LIPC: variants seen among roughly 807,000 people sequenced by gnomAD.
LIPC encodes hepatic triacylglycerol lipase.
In LIPC, 44 loss-of-function variants were observed where a neutral mutation model predicts 50.7. The observed-to-expected ratio is 0.87, with a 90% CI of 0.68 to 1.11. The LOEUF is 1.11. Among genes scored for constraint, LIPC ranks in the 50% most tolerant of loss-of-function variants. LIPC has a pLI of 0.00. For synonymous variants in LIPC, 271 were observed against 256.4 expected, an observed-to-expected ratio of 1.06 and a Z score of -0.54; for missense variants, 697 against 648.2, an observed-to-expected ratio of 1.08 and a Z score of -0.82.
At chr15:58,495,956 T>A (rs1391362892) in intron 1 of LIPC, among the ~76,000 whole-genome samples, 2 of 152,184 alleles carry the variant, frequency 1.3e-5, no homozygotes, top group Non-Finnish European at 2.9e-5. Flanking sequence ...CTCGTGGGAT[T>A]TAGAAGGGAT....
chr15:58,484,790 G>C (rs1031429288), intron 1 of LIPC, among the ~76,000 whole-genome samples: 2 of 152,220 alleles, frequency 1.3e-5, no homozygotes, highest in Non-Finnish European at 2.9e-5. Flanking sequence ...CTTACAAATG[G>C]AGTATGCCAA....
chr15:58,548,405 C>G lies in LIPC; in HGVS notation c.884C>G (p.Thr295Arg). 6.2e-7 allele frequency: 1 copy of G among 1,614,156 alleles called. No individual in the cohort carries two copies. The highest frequency in any genetic ancestry group is 8.5e-7 in the Non-Finnish European group (1 of 1,180,040). Reference sequence around the variant, plus strand: ...ATCGACTCCTTGCTGCACGCCGGCACGCAGAGCATGGCCTACCCGTGTGGT... The same window carrying G: ...ATCGACTCCTTGCTGCACGCCGGCAGGCAGAGCATGGCCTACCCGTGTGGT... Reference protein sequence around the residue: ...LFIDSLLHAGTQSMAYPCGDM... With the variant: ...LFIDSLLHAGRQSMAYPCGDM... Residue 295 changes from threonine (T) to arginine (R), a missense_variant, in exon 6 of 9, where the codon ACG (threonine) becomes AGG (arginine). Coordinates refer to ENST00000299022, the MANE Select transcript of LIPC (RefSeq NM_000236.3).
chr15:58,545,719 C>A (rs780165647), intron 4 of LIPC, 23 bp from the exon 5 acceptor site: 2 of 1,606,476 alleles, frequency 1.2e-6, no homozygotes, highest in Non-Finnish European at 1.7e-6. Flanking sequence ...CCTGCGTAAC[C>A]CTTACCCCTG....
chr15:58,543,686 G>C (rs994654917), intron 4 of LIPC, among the ~76,000 whole-genome samples: 1 of 152,056 alleles, frequency 6.6e-6, no homozygotes. Context: ...GCCCAGGCTG[G>C]TGTGCAATGG....
chr15:58,562,812 C>A (rs866156204), intron 7 of LIPC, among the ~76,000 whole-genome samples: 5 of 151,588 alleles, frequency 3.3e-5, no homozygotes, highest in South Asian at 2.1e-4. Flanking sequence ...GGGACCCCCC[C>A]CCAACCCCAC....
chr15:58,457,171 G>A (rs1894155989), intron 1 of LIPC, among the ~76,000 whole-genome samples: 1 of 152,176 alleles, frequency 6.6e-6, no homozygotes, highest in Non-Finnish European at 1.5e-5. Flanking sequence ...GTGCAAAGGT[G>A]CGATCTTGGC....
chr15:58,545,746 G>A lies in LIPC; in HGVS notation c.579G>A (p.Leu193=). ...GTHKIGRITG[L]DAAGPLFEGS... ...TTACCCCTGCTTTCCCATTAGGGCT[G>A]GATGCCGCGGGACCTTTGTTTGAGG... The change falls in exon 5 of 9, where the codon CTG becomes CTA. Residue 193 remains leucine, a synonymous_variant. Transcript: ENST00000299022. 6.2e-7 allele frequency: 1 copy of A among 1,614,110 alleles called. No homozygotes were observed. Among genetic ancestry groups the A allele is most frequent in the Middle Eastern group, 1.7e-4 (1 of 6,050 alleles).
chr15:58,446,885 G>A (rs1412415892), intron 1 of LIPC, among the ~76,000 whole-genome samples: 2 of 152,118 alleles, frequency 1.3e-5, no homozygotes, highest in Non-Finnish European at 2.9e-5. Context: ...GGTGGCTTAT[G>A]CCTGTAACCA....
intron 1 of LIPC, among the ~76,000 whole-genome samples, chr15:58,500,324 C>T (rs1326724929): frequency 2.0e-5 from 3 of 152,156 alleles, no homozygotes; most frequent in East Asian, 3.8e-4. Context: ...GATGTAAGCG[C>T]CCAACAGATG....
chr15:58,445,180 T>TGA lies in LIPC; in HGVS notation c.88+13060_88+13061insGA, dbSNP rs1392918515. On this transcript the variant is annotated intron_variant, in intron 1 of 8. Coordinates refer to ENST00000299022, the MANE Select transcript of LIPC (RefSeq NM_000236.3). Reference sequence around the variant, plus strand: ...GAATGATTGGGACTTTCTGGCAGCATAAGCAATAACCGGCAGGAGACCAAG... The same window carrying TGA: ...GAATGATTGGGACTTTCTGGCAGCATGAAAGCAATAACCGGCAGGAGACCAAG... Among the ~76,000 whole-genome samples, 199 of 152,322 alleles carry TGA rather than the reference T, an allele frequency of 1.3e-3. 1 individual carries two copies. Among genetic ancestry groups the TGA allele is most frequent in the African/African-American group, 4.6e-3 (193 of 41,574 alleles).
At chr15:58,466,501 C>A (rs1199303812) in intron 1 of LIPC, among the ~76,000 whole-genome samples, 2 of 152,252 alleles carry the variant, frequency 1.3e-5, no homozygotes, top group Admixed American at 1.3e-4. Flanking sequence ...CACATGATCT[C>A]TATGGCTTCT....
rs121912502 is a variant in LIPC, at chr15:58,548,387, C to T, written c.866C>T (p.Ser289Phe). ...CGATCGGTGCACCTTTTCATCGACTCCTTGCTGCACGCCGGCACGCAGAGC... is the reference window on the plus strand; with the variant it reads ...CGATCGGTGCACCTTTTCATCGACTTCTTGCTGCACGCCGGCACGCAGAGC... ...HERSVHLFID[S>F]LLHAGTQSMA... Residue 289 changes from serine (S) to phenylalanine (F), a missense_variant, in exon 6 of 9, where the codon TCC (serine) becomes TTC (phenylalanine). Ser to Phe is a radical substitution (Grantham distance 155). Transcript: ENST00000299022. The T allele has an allele frequency of 1.1e-3, 1,854 of 1,614,162 alleles. 3 individuals are homozygous for T. Among genetic ancestry groups the T allele is most frequent in the Non-Finnish European group, 1.5e-3 (1,726 of 1,180,028 alleles).
At chr15:58,457,808 T>C (rs1217910760) in intron 1 of LIPC, among the ~76,000 whole-genome samples, 1 of 152,174 alleles carries the variant, frequency 6.6e-6, no homozygotes, top group African/African-American at 2.4e-5. Context: ...ATCTTGTACA[T>C]AAACACTTGT....
intron 1 of LIPC, among the ~76,000 whole-genome samples, chr15:58,506,673 C>T (rs1234546484): frequency 6.6e-6 from 1 of 152,208 alleles, no homozygotes; most frequent in African/African-American, 2.4e-5. Flanking sequence ...TCCCTGAAGA[C>T]ACAGGCTCAA....
At chr15:58,494,502 G>T (rs553413149) in intron 1 of LIPC, among the ~76,000 whole-genome samples, 4 of 152,196 alleles carry the variant, frequency 2.6e-5, no homozygotes, top group Non-Finnish European at 5.9e-5. Context: ...TCAGGGCTTG[G>T]CAATGCCTAT....
chr15:58,485,316 T>C (rs543820613), intron 1 of LIPC, among the ~76,000 whole-genome samples: 5 of 152,276 alleles, frequency 3.3e-5, no homozygotes, highest in South Asian at 2.1e-4. Context: ...TTATGCTGCA[T>C]GTTTGCTTAT....
chr15:58,478,403 T>C (rs1246705670), intron 1 of LIPC, among the ~76,000 whole-genome samples: 2 of 152,086 alleles, frequency 1.3e-5, no homozygotes, highest in African/African-American at 2.4e-5. Flanking sequence ...CATACCTGGA[T>C]AATTTTTGTA....
At chr15:58,548,174 T>C (rs1893602909) in intron 5 of LIPC, among the ~76,000 whole-genome samples, 156 bp from the exon 6 acceptor site, 1 of 151,982 alleles carries the variant, frequency 6.6e-6, no homozygotes, top group South Asian at 2.1e-4. Flanking sequence ...AGTTGTCACA[T>C]CCTGCTCTTG....
chr15:58,545,622 C>A, intron 4 of LIPC, 120 bp from the exon 5 acceptor site: 1 of 825,140 alleles, frequency 1.2e-6, no homozygotes, highest in Non-Finnish European at 2.0e-6. Flanking sequence ...AAGGATCAGC[C>A]CTACGTGTTT....
Sources: allele counts gnomAD v4.1 joint callset (sites outside exome capture counted in the v4.1 genomes callset), GRCh38; gene constraint gnomAD v4.1.1; transcripts MANE v1.5; gene names NCBI Gene and HGNC (gene_info 2026-07-23, HGNC 2026-07-21).